Variants in SLC44A1 observed in about 807,000 individuals in gnomAD.
The protein encoded by SLC44A1 is choline transporter-like protein 1.
SLC44A1 carries 26 observed loss-of-function variants against 79.3 expected under a neutral mutation model. The ratio of observed to expected loss-of-function variants is 0.33; its 90% CI spans 0.24 to 0.46. The LOEUF (loss-of-function observed/expected upper bound fraction) is 0.46, where lower values mean the gene tolerates loss of function less well. Among genes scored for constraint, SLC44A1 ranks in the 20% least tolerant of loss-of-function variants. The probability of loss-of-function intolerance (pLI) is 1.00; values close to 1 mark genes in which losing one functional copy is unlikely to be tolerated. For missense variants in SLC44A1, 688 were observed against 798.1 expected, an observed-to-expected ratio of 0.86 and a Z score of 1.66; for synonymous variants, 263 against 286.2, an observed-to-expected ratio of 0.92 and a Z score of 0.82.
downstream of SLC44A1, among the ~76,000 whole-genome samples, chr9:105,398,222 C>CT (rs1017014922): frequency 1.6e-4 from 24 of 152,132 alleles, no homozygotes; most frequent in African/African-American, 5.8e-4. Flanking sequence ...AGTGGAAGAC[C>CT]TTTTGGAATA....
chr9:105,310,583 A>G (rs1241726583), intron 3 of SLC44A1, among the ~76,000 whole-genome samples: 1 of 152,190 alleles, frequency 6.6e-6, no homozygotes, highest in African/African-American at 2.4e-5. Flanking sequence ...AATTAACAAA[A>G]CTAATTTTAA....
rs747507921 is a variant in SLC44A1 at position 105,365,267 on chromosome 9, C to T, written c.1254-216C>T. On this transcript the variant is annotated intron_variant, in intron 10 of 15. Transcript: ENST00000374720. ...AACTTGAAGTATTAGAGCATCAGAA[C>T]CCCATGAAACTACCATAGAGCAATG... Among the ~76,000 whole-genome samples the T allele has an allele frequency of 8.2e-4, 124 of 152,146 alleles. 1 individual carries two copies. Among genetic ancestry groups the T allele is most frequent in the Admixed American group, 4.6e-3 (70 of 15,262 alleles).
chr9:105,266,500 G>A (rs1829965028), intron 1 of SLC44A1, among the ~76,000 whole-genome samples: 1 of 152,146 alleles, frequency 6.6e-6, no homozygotes, highest in African/African-American at 2.4e-5. Context: ...TGAGGTACAG[G>A]TTGAGTTGGT....
intron 5 of SLC44A1, among the ~76,000 whole-genome samples, chr9:105,352,222 A>G (rs9299385): frequency 0.1 from 15,251 of 152,258 alleles, 1,956 homozygotes; most frequent in African/African-American, 0.3. Context: ...ATATTGCCAG[A>G]ATACTTTATT....
intron 6 of SLC44A1, among the ~76,000 whole-genome samples, chr9:105,357,949 C>G (rs913553655): frequency 1.3e-5 from 2 of 152,198 alleles, no homozygotes; most frequent in African/African-American, 2.4e-5. Context: ...TTTAACTGAT[C>G]TCTGTCTATG....
In SLC44A1 at chr9:105,362,811, C is replaced by G; in HGVS notation, c.901-10C>G. ...TTATAATAATAACTGAAACCATTCT[C>G]TCCATACAGGTGATCTTATTCCTGA... On this transcript the variant is annotated splice_polypyrimidine_tract_variant and intron_variant, in intron 8 of 15. Coordinates refer to ENST00000374720, the MANE Select transcript of SLC44A1 (RefSeq NM_080546.5). The G allele has an allele frequency of 7.8e-6, 12 of 1,546,282 alleles. No individual in the cohort carries two copies. Among genetic ancestry groups the G allele is most frequent in the Non-Finnish European group, 1.0e-5 (12 of 1,147,866 alleles).
intron 1 of SLC44A1, among the ~76,000 whole-genome samples, chr9:105,289,522 T>C (rs1830555002): frequency 6.6e-6 from 1 of 152,174 alleles, no homozygotes; most frequent in Non-Finnish European, 1.5e-5. Context: ...TTACATAGTG[T>C]GCTGTAGAAA....
At chr9:105,262,978 T>C (rs772706901) in intron 1 of SLC44A1, among the ~76,000 whole-genome samples, 2 of 152,190 alleles carry the variant, frequency 1.3e-5, no homozygotes, top group Non-Finnish European at 2.9e-5. Context: ...GGAGGTGGGA[T>C]AAAAGGAAAA....
rs1302162836 is a variant in SLC44A1 at position 105,395,509 on chromosome 9, G to A, written c.*6453G>A. ...GCTGGGATTACAGGCATGAGCCACC[G>A]CGCCCGGCCTAGAAGAGTTTTAATG... On this transcript the variant is annotated 3_prime_UTR_variant, in exon 16 of 16. Transcript: ENST00000374720. 8 of 985,024 alleles carry A rather than the reference G, an allele frequency of 8.1e-6. No homozygotes were observed. Among genetic ancestry groups the A allele is most frequent in the East Asian group, 1.1e-4 (1 of 8,838 alleles). 61.0% of individuals were successfully genotyped at this position (985,024 alleles called of 1,614,324 possible).
chr9:105,433,005 T>A (rs569771592), intron 15 of SLC44A1, among the ~76,000 whole-genome samples: 1 of 152,240 alleles, frequency 6.6e-6, no homozygotes, highest in African/African-American at 2.4e-5. Flanking sequence ...ATAAAAACTT[T>A]TACAAATCGC....
At chr9:105,277,188 T>G (rs1294595898) in intron 1 of SLC44A1, among the ~76,000 whole-genome samples, 1 of 152,216 alleles carries the variant, frequency 6.6e-6, no homozygotes, top group Non-Finnish European at 1.5e-5. Context: ...AAGGTGGAAT[T>G]ACTGTTTACT....
At chr9:105,383,776 C>T (rs1422694408) in intron 14 of SLC44A1, among the ~76,000 whole-genome samples, 3 of 152,178 alleles carry the variant, frequency 2.0e-5, no homozygotes, top group Admixed American at 1.3e-4. Flanking sequence ...TGCTGTCAAC[C>T]CTGGTTAAAA....
chr9:105,333,204 TC>T (rs1405515458), intron 3 of SLC44A1, among the ~76,000 whole-genome samples: 1 of 152,198 alleles, frequency 6.6e-6, no homozygotes, highest in African/African-American at 2.4e-5. Context: ...TTGTCATTGA[TC>T]CAGCCTAGGC....
intron 15 of SLC44A1, among the ~76,000 whole-genome samples, chr9:105,431,203 T>C (rs1829388343): frequency 6.6e-6 from 1 of 152,220 alleles, no homozygotes; most frequent in African/African-American, 2.4e-5. Flanking sequence ...AGGTCATTGA[T>C]CTATTTTGAA....
At chr9:105,386,262 A>AATGACATAGAG in intron 15 of SLC44A1, 3 of 974,082 alleles carry the variant, frequency 3.1e-6, no homozygotes, top group Non-Finnish European at 3.7e-6. Context: ...TTGTCACTAT[A>AATGACATAGAG]GCATAGAAAC....
intron 4 of SLC44A1, among the ~76,000 whole-genome samples, chr9:105,336,517 CCTAT>C (rs1467200748): frequency 1.3e-5 from 2 of 152,060 alleles, no homozygotes; most frequent in African/African-American, 2.4e-5. Flanking sequence ...TTTGTAGAGG[CCTAT>C]CTTTTTGAAT....
chr9:105,315,202 A>G (rs1193297602), intron 3 of SLC44A1, among the ~76,000 whole-genome samples: 2 of 151,608 alleles, frequency 1.3e-5, no homozygotes, highest in East Asian at 3.9e-4. Flanking sequence ...TTTGAAGGCA[A>G]TTTTGTCTAT....
chr9:105,306,440 T>C (rs1375948852), intron 2 of SLC44A1, among the ~76,000 whole-genome samples: 1 of 152,180 alleles, frequency 6.6e-6, no homozygotes, highest in Non-Finnish European at 1.5e-5. Flanking sequence ...AGAGATTGTA[T>C]TTTTAATTAT....
intron 15 of SLC44A1, among the ~76,000 whole-genome samples, chr9:105,429,899 T>TAC (rs1180526453): frequency 6.8e-6 from 1 of 148,030 alleles, no homozygotes; most frequent in Non-Finnish European, 1.5e-5. Context: ...AAATTACAAG[T>TAC]ATATATATAT....
Sources: gnomAD v4.1 joint callset for allele counts (sites outside exome capture counted in the v4.1 genomes callset) on GRCh38, gnomAD v4.1.1 for gene constraint, MANE v1.5 for transcripts, NCBI Gene and HGNC (gene_info 2026-07-23, HGNC 2026-07-21) for gene names.